GPR15LG: variants seen among roughly 807,000 people sequenced by gnomAD.
The protein encoded by GPR15LG is protein GPR15LG.
At chr10:84,176,772 A>G in the GPR15LG span, among the ~76,000 whole-genome samples, 17 of 152,324 alleles carry the variant, frequency 1.1e-4, no homozygotes, top group African/African-American at 3.8e-4. Context: ...TCTGCCATGG[A>G]AAAAAAGCAG....
chr10:84,179,551 C>T, the GPR15LG span, among the ~76,000 whole-genome samples: 1 of 152,312 alleles, frequency 6.6e-6, no homozygotes, highest in Non-Finnish European at 1.5e-5. Flanking sequence ...AGAAATCTGG[C>T]CTCGTGTGCT....
At chr10:84,175,252 C>T in the GPR15LG span, among the ~76,000 whole-genome samples, 2 of 152,130 alleles carry the variant, frequency 1.3e-5, no homozygotes, top group African/African-American at 4.8e-5. Flanking sequence ...ATTAGAATTC[C>T]TCATAAACAC....
At chr10:84,183,139 CA>C in the GPR15LG span, among the ~76,000 whole-genome samples, 6 of 152,086 alleles carry the variant, frequency 3.9e-5, no homozygotes, top group Non-Finnish European at 8.8e-5. Context: ...GCTTATATAG[CA>C]ATTACTAGGT....
At chr10:84,174,769 C>T in the GPR15LG span, among the ~76,000 whole-genome samples, 3 of 152,152 alleles carry the variant, frequency 2.0e-5, no homozygotes, top group Non-Finnish European at 4.4e-5. Flanking sequence ...GGATTACAGG[C>T]GTGAGCCACC....
the GPR15LG span, chr10:84,184,944 G>T: frequency 1.4e-6 from 2 of 1,454,322 alleles, no homozygotes; most frequent in South Asian, 2.8e-5. Flanking sequence ...TGTCTCAATT[G>T]TGCCATCAAC....
At chr10:84,180,692 G>A in the GPR15LG span, among the ~76,000 whole-genome samples, 6 of 152,156 alleles carry the variant, frequency 3.9e-5, no homozygotes, top group Admixed American at 1.3e-4. Context: ...GGTGGCGGCC[G>A]GGCAGAGGCT....
chr10:84,184,633 G>T, the GPR15LG span: 1 of 1,593,266 alleles, frequency 6.3e-7, no homozygotes, highest in Non-Finnish European at 8.6e-7. Flanking sequence ...CTCTGACCTC[G>T]CCATCTTCCT....
At chr10:84,173,968 C>G in the GPR15LG span, 13 of 1,395,990 alleles carry the variant, frequency 9.3e-6, no homozygotes, top group African/African-American at 9.9e-5. Context: ...ATTTCAGCAT[C>G]TGGGAAGACT....
At chr10:84,175,268 G>A in the GPR15LG span, among the ~76,000 whole-genome samples, 175 of 152,260 alleles carry the variant, frequency 1.1e-3, no homozygotes, top group African/African-American at 4.1e-3. Flanking sequence ...AACACAGCCC[G>A]TGACATGCAA....
the GPR15LG span, among the ~76,000 whole-genome samples, chr10:84,183,796 C>T: frequency 1.3e-5 from 2 of 152,078 alleles, no homozygotes; most frequent in Non-Finnish European, 2.9e-5. Context: ...CAGGCGTGCG[C>T]CACCATGCCT....
chr10:84,181,237 T>C, the GPR15LG span, among the ~76,000 whole-genome samples: 1 of 114,964 alleles, frequency 8.7e-6, no homozygotes, highest in African/African-American at 4.0e-5. Context: ...TTTAAAAAAT[T>C]AAATTTTTTT....
chr10:84,178,445 C>T, the GPR15LG span, among the ~76,000 whole-genome samples: 1 of 151,776 alleles, frequency 6.6e-6, no homozygotes, highest in East Asian at 1.9e-4. Context: ...CACAAACACA[C>T]ATAAATACAT....
At chr10:84,184,736 G>A in the GPR15LG span, 4 of 1,613,804 alleles carry the variant, frequency 2.5e-6, no homozygotes, top group Admixed American at 1.7e-5. Context: ...CCCGCCTTTG[G>A]GTGGTGCCTG....
chr10:84,176,270 G>A, the GPR15LG span, among the ~76,000 whole-genome samples: 1 of 152,138 alleles, frequency 6.6e-6, no homozygotes, highest in African/African-American at 2.4e-5. Flanking sequence ...ATCTGAAAAG[G>A]ATGTGTTTTG....
chr10:84,176,580 C>G, the GPR15LG span: 3 of 1,603,568 alleles, frequency 1.9e-6, no homozygotes. Flanking sequence ...GTAAGTACCC[C>G]CACCTCGTCC....
chr10:84,178,104 A>T, the GPR15LG span, among the ~76,000 whole-genome samples: 1 of 151,874 alleles, frequency 6.6e-6, no homozygotes, highest in Admixed American at 6.6e-5. Context: ...ACACAGAAAC[A>T]CAGCATATAC....
At chr10:84,184,782 A>C in the GPR15LG span, 1 of 1,613,124 alleles carries the variant, frequency 6.2e-7, no homozygotes, top group Non-Finnish European at 8.5e-7. Flanking sequence ...CCAAAGCAAG[A>C]CTCCAGACAG....
the GPR15LG span, among the ~76,000 whole-genome samples, chr10:84,175,056 C>T: frequency 6.6e-6 from 1 of 152,012 alleles, no homozygotes; most frequent in African/African-American, 2.4e-5. Context: ...AAGGTTATAT[C>T]TTTTTTATTT....
the GPR15LG span, among the ~76,000 whole-genome samples, chr10:84,176,275 G>T: frequency 6.6e-6 from 1 of 152,192 alleles, no homozygotes; most frequent in Non-Finnish European, 1.5e-5. Flanking sequence ...AAAAGGATGT[G>T]TTTTGGGGCC....
Sources: allele counts gnomAD v4.1 joint callset (sites outside exome capture counted in the v4.1 genomes callset), GRCh38; gene constraint gnomAD v4.1.1; transcripts MANE v1.5; gene names NCBI Gene and HGNC (gene_info 2026-07-23, HGNC 2026-07-21).